The following ABCC11 variants were observed in gnomAD, a reference collection of about 807,000 sequenced individuals.
ABCC11 encodes the protein ATP-binding cassette sub-family C member 11.
In ABCC11, 135 loss-of-function variants were observed where a neutral mutation model predicts 149.3. The ratio of observed to expected loss-of-function variants is 0.90; its 90% confidence interval spans 0.79 to 1.04. The LOEUF is 1.04. ABCC11 is among the 50% of genes least tolerant of loss of function. The probability of loss-of-function intolerance (pLI) is 0.00; values close to 1 mark genes in which losing one functional copy is unlikely to be tolerated. For synonymous variants in ABCC11, 665 were observed against 671.4 expected, an observed-to-expected ratio of 0.99 and a Z score of 0.15; for missense variants, 1,680 against 1,722.1, an observed-to-expected ratio of 0.98 and a Z score of 0.43.
intron 1 of ABCC11, among the ~76,000 whole-genome samples, chr16:48,244,901 C>T (rs559571747): frequency 1.3e-5 from 2 of 152,342 alleles, no homozygotes; most frequent in African/African-American, 2.4e-5. Flanking sequence ...CCCCTCTCCG[C>T]AATTCCTCGC....
At chr16:48,207,294 T>C (rs1968529845) in intron 12 of ABCC11, among the ~76,000 whole-genome samples, 2 of 152,070 alleles carry the variant, frequency 1.3e-5, no homozygotes, top group Admixed American at 1.3e-4. Flanking sequence ...GCAGGCGTCA[T>C]GGGTGCTTTT....
intron 23 of ABCC11, among the ~76,000 whole-genome samples, chr16:48,182,154 G>A (rs1280530917): frequency 1.3e-5 from 2 of 152,222 alleles, no homozygotes; most frequent in Non-Finnish European, 2.9e-5. Context: ...TGATACATGT[G>A]CTCATGGACA....
At chr16:48,208,533 C>G (rs202219868) in intron 11 of ABCC11, 37 bp from the exon 12 acceptor site, 1 of 1,611,750 alleles carries the variant, frequency 6.2e-7, no homozygotes, top group South Asian at 1.1e-5. Context: ...GTTGGGACAG[C>G]ATAGCCCTGG....
intron 1 of ABCC11, among the ~76,000 whole-genome samples, chr16:48,245,457 C>T (rs1240820056): frequency 6.6e-6 from 1 of 152,094 alleles, no homozygotes; most frequent in African/African-American, 2.4e-5. Flanking sequence ...GTGTATATTC[C>T]ACTTTGCACC....
At chr16:48,220,912 G>C (rs914013794) in intron 6 of ABCC11, among the ~76,000 whole-genome samples, 1 of 152,222 alleles carries the variant, frequency 6.6e-6, no homozygotes, top group African/African-American at 2.4e-5. Flanking sequence ...GCTCATATTA[G>C]TAGGGCAGCC....
At position 48,184,853 on chromosome 16, in the gene ABCC11, C is replaced by G. The variant is rs140957453; in HGVS notation, c.3072-227G>C. Among the ~76,000 whole-genome samples, 1,004 of 152,304 alleles carry G rather than the reference C, an allele frequency of 6.6e-3. 10 individuals carry two copies. The highest frequency in any genetic ancestry group is 9.2e-3 in the Non-Finnish European group (624 of 68,018). On this transcript the variant is annotated intron_variant, in intron 22 of 29. Coordinates refer to ENST00000356608, the MANE Select transcript of ABCC11 (RefSeq NM_001370497.1). The stretch of plus-strand genomic sequence containing the variant: ...GAGGAGTAGGCTCTGCTGCTAAGGC[C>G]CATCCTTAGCACGCGCTCCTCGCCT...
At chr16:48,180,195 C>A (rs553147725) in intron 23 of ABCC11, among the ~76,000 whole-genome samples, 1 of 152,320 alleles carries the variant, frequency 6.6e-6, no homozygotes, top group East Asian at 1.9e-4. Context: ...GCTCATGATG[C>A]CATTCTGGCC....
rs1486968114 is a variant in ABCC11 at position 48,200,282 on chromosome 16, C to T, written c.2076G>A (p.Gln692=). 13 of 1,613,964 alleles carry T rather than the reference C, an allele frequency of 8.1e-6. No homozygotes were observed. The East Asian group carries it at 2.4e-4, about 30-fold the overall frequency. ...RGKTVVLVTH[Q]LQYLEFCGQI... Reference sequence around the variant, plus strand: ...GCCCTGGAAGGGTGCTAACCTGCAGCTGGTGGGTCACCAGGACGACCGTCT... The same window carrying T: ...GCCCTGGAAGGGTGCTAACCTGCAGTTGGTGGGTCACCAGGACGACCGTCT... Residue 692 remains glutamine (Q), a synonymous_variant, in exon 15 of 30, where the codon CAG becomes CAA. Transcript: ENST00000356608.
intron 25 of ABCC11, among the ~76,000 whole-genome samples, 198 bp downstream of exon 25, chr16:48,176,726 G>A (rs1252066518): frequency 6.6e-6 from 1 of 152,078 alleles, no homozygotes; most frequent in Admixed American, 6.5e-5. Flanking sequence ...TTTAACATCC[G>A]TCTCCTCCAC....
chr16:48,196,224 G>T lies in ABCC11; in HGVS notation c.2404+8C>A, dbSNP rs2150801372. Reference sequence around the variant, plus strand: ...AGAGAGAGCCCTGGGCTGGCATGGGGACCGTACCTCCAGCTGCCTGGATGT... The same window carrying T: ...AGAGAGAGCCCTGGGCTGGCATGGGTACCGTACCTCCAGCTGCCTGGATGT... On this transcript the variant is annotated splice_region_variant and intron_variant, in intron 18 of 29. Transcript: ENST00000356608. 1.9e-6 allele frequency: 3 copies of T among 1,613,976 alleles called. No individual in the cohort carries two copies. The highest frequency in any genetic ancestry group is 4.5e-5 in the East Asian group (2 of 44,864).
chr16:48,225,839 G>A lies in ABCC11; in HGVS notation c.396-1410C>T, dbSNP rs111809339. 1.1e-4 allele frequency among the ~76,000 whole-genome samples: 16 copies of A among 152,196 alleles called. No individual in the cohort carries two copies. The South Asian group carries it at 1.7e-3, about 16-fold the overall frequency. ...AATTCTTCCATTCCTTCTGTATTTC[G>A]TAGTTTGCGTATATAGTGAGATCTC... On this transcript the variant is annotated intron_variant, in intron 4 of 29. Coordinates refer to ENST00000356608, the MANE Select transcript of ABCC11 (RefSeq NM_001370497.1).
At chr16:48,246,120 C>T (rs530334776) in intron 1 of ABCC11, among the ~76,000 whole-genome samples, 5 of 152,172 alleles carry the variant, frequency 3.3e-5, no homozygotes, top group South Asian at 2.1e-4. Flanking sequence ...CCCCCACCCC[C>T]GTTAAAAGAA....
chr16:48,174,276 T>G (rs950982700), intron 26 of ABCC11, among the ~76,000 whole-genome samples: 1 of 152,198 alleles, frequency 6.6e-6, no homozygotes, highest in East Asian at 1.9e-4. Flanking sequence ...CCTAGCACAG[T>G]GTCCAGACCA....
chr16:48,190,308 A>C (rs1596709052), intron 20 of ABCC11, among the ~76,000 whole-genome samples: 1 of 152,136 alleles, frequency 6.6e-6, no homozygotes, highest in Non-Finnish European at 1.5e-5. Context: ...ACACTTAGTA[A>C]GTGAGAGAGA....
chr16:48,200,352 C>G lies in ABCC11; in HGVS notation c.2006G>C (p.Gly669Ala). The change falls in exon 15 of 30, where the codon GGG (glycine) becomes GCG (alanine). Residue 669 changes from glycine to alanine, a missense_variant. Coordinates refer to ENST00000356608, the MANE Select transcript of ABCC11 (RefSeq NM_001370497.1). ...AATGCACTCCTCAAAAATGTGCTTC[C>G]CCACGTGGGCGTCCACAGCAGACAG... ...DPLSAVDAHV[G>A]KHIFEECIKK... 6.2e-7 allele frequency: 1 copy of G among 1,614,246 alleles called. No homozygotes were observed. The highest frequency in any genetic ancestry group is 1.1e-5 in the South Asian group (1 of 91,088).
chr16:48,226,139 C>G (rs980434014), intron 4 of ABCC11, among the ~76,000 whole-genome samples: 2 of 151,836 alleles, frequency 1.3e-5, no homozygotes, highest in Non-Finnish European at 2.9e-5. Flanking sequence ...TGCAGTGGCG[C>G]AATCTTGGCT....
chr16:48,169,065 T>A (rs868109113), intron 28 of ABCC11, among the ~76,000 whole-genome samples: 31 of 152,226 alleles, frequency 2.0e-4, no homozygotes, highest in Middle Eastern at 6.8e-3. Context: ...ATTTAAAAAA[T>A]ATATATATAT....
At chr16:48,197,688 C>A (rs1967558110) in intron 17 of ABCC11, among the ~76,000 whole-genome samples, 1 of 152,190 alleles carries the variant, frequency 6.6e-6, no homozygotes, top group Non-Finnish European at 1.5e-5. Context: ...AGTCTTAAAT[C>A]TGTGCCACTC....
At chr16:48,198,299 G>C (rs368581458) in intron 15 of ABCC11, 24 bp from the exon 16 acceptor site, 183 of 1,606,854 alleles carry the variant, frequency 1.1e-4, no homozygotes, top group African/African-American at 7.5e-4. Flanking sequence ...AGAAAGAAAG[G>C]CTTCAGTAAG....
Sources: gnomAD v4.1 joint callset for allele counts (sites outside exome capture counted in the v4.1 genomes callset) on GRCh38, gnomAD v4.1.1 for gene constraint, MANE v1.5 for transcripts, NCBI Gene and HGNC (gene_info 2026-07-23, HGNC 2026-07-21) for gene names.